Variants in DNAH12 observed in about 807,000 individuals in gnomAD.
DNAH12 encodes the protein dynein axonemal heavy chain 12.
A neutral mutation model predicts 371.5 loss-of-function variants in DNAH12; 285 were observed. That is an observed-to-expected ratio of 0.77 (90% CI 0.70 to 0.85). The LOEUF is 0.85. Ranked by LOEUF, DNAH12 falls within the 40% of genes least tolerant of loss-of-function variation. The probability of loss-of-function intolerance (pLI) is 0.00; values close to 1 mark genes in which losing one functional copy is unlikely to be tolerated. For synonymous variants in DNAH12, 1,200 were observed against 1,213.0 expected (o/e 0.99, Z 0.22); for missense variants, 3,611 against 3,689.4 (o/e 0.98, Z 0.55).
chr3:57,457,908 C>A lies in DNAH12; in HGVS notation c.3149G>T (p.Gly1050Val). 1 of 1,551,532 alleles carries A rather than the reference C, an allele frequency of 6.4e-7. No homozygotes were observed. The highest frequency in any genetic ancestry group is 8.7e-7 in the Non-Finnish European group (1 of 1,146,958). ...GGGAAGGAACTCTAATTTAGCAATG[C>A]CCTCAAAGCATTTTTTTAAATGTGG... ...VQPHLKKCFE[G>V]IAKLEFLPNL... The change falls in exon 22 of 74, where the codon GGC becomes GTC. Residue 1050 changes from glycine to valine, a missense_variant. By Grantham distance (109) the Gly-to-Val change is moderately radical (BLOSUM62 -3). Around this residue, in one of 3 missense-constraint regions of DNAH12, gnomAD observed 1,314 missense variants for 1,398.7 expected, o/e 0.94. Transcript: ENST00000495027.
At chr3:57,453,444 C>A (rs1389956915) in intron 23 of DNAH12, 41 bp from the exon 24 acceptor site, 2 of 1,445,712 alleles carry the variant, frequency 1.4e-6, no homozygotes, top group African/African-American at 1.5e-5. Flanking sequence ...GATGTCACAT[C>A]ATACTTAAAA....
chr3:57,442,863 G>A (rs1282885970), intron 29 of DNAH12, among the ~76,000 whole-genome samples: 3 of 152,146 alleles, frequency 2.0e-5, no homozygotes, highest in African/African-American at 2.4e-5. Flanking sequence ...TAAGTTAAGT[G>A]ATCTCTTAAT....
At chr3:57,509,000 TA>T in intron 6 of DNAH12, 139 bp downstream of exon 6, 1 of 731,738 alleles carries the variant, frequency 1.4e-6, no homozygotes, top group Non-Finnish European at 2.3e-6. Context: ...ACCTCTGAGG[TA>T]AAAACAAGAG....
upstream of DNAH12, among the ~76,000 whole-genome samples, chr3:57,547,306 C>CT (rs541662460): frequency 2.2e-3 from 324 of 144,824 alleles, 1 homozygote; most frequent in South Asian, 5.4e-3. Context: ...AATGTACGTC[C>CT]TTTTTTTTTT....
chr3:57,471,578 T>C lies in DNAH12; in HGVS notation c.1805A>G (p.Glu602Gly). The C allele has an allele frequency of 6.5e-7, 1 of 1,545,822 alleles. No individual in the cohort carries two copies. The highest frequency in any genetic ancestry group is 2.0e-5 in the Admixed American group (1 of 49,208). The change falls in exon 15 of 74, where the codon GAA becomes GGA. Residue 602 changes from glutamate (E) to glycine (G), a missense_variant. By Grantham distance (98) the Glu-to-Gly change is moderately conservative. Around this residue, in one of 3 missense-constraint regions of DNAH12, gnomAD observed 1,314 missense variants for 1,398.7 expected, o/e 0.94. Transcript: ENST00000495027. The part of the protein sequence containing the change: ...ELIENAKHKK[E>G]NELMAKREKL... ...CTCTCTCTTGGCCATTAGTTCATTTTCTTTTTTATGTTTAGCATTCTCAAT... is the reference window on the plus strand; with the variant it reads ...CTCTCTCTTGGCCATTAGTTCATTTCCTTTTTTATGTTTAGCATTCTCAAT...
chr3:57,308,965 C>A (rs771241357), intron 69 of DNAH12, among the ~76,000 whole-genome samples, 186 bp downstream of exon 69: 1 of 152,072 alleles, frequency 6.6e-6, no homozygotes, highest in Non-Finnish European at 1.5e-5. Flanking sequence ...TCAGCTTAAT[C>A]TCTCCCACTC....
intron 10 of DNAH12, among the ~76,000 whole-genome samples, chr3:57,501,869 G>C (rs1256551264): frequency 6.6e-6 from 1 of 151,360 alleles, no homozygotes; most frequent in Non-Finnish European, 1.5e-5. Context: ...CAGTTCATAT[G>C]CACCCTTTGG....
intron 25 of DNAH12, among the ~76,000 whole-genome samples, chr3:57,450,093 C>A (rs896643883): frequency 6.6e-6 from 1 of 152,060 alleles, no homozygotes; most frequent in African/African-American, 2.4e-5. Context: ...ACGAAAAATA[C>A]AAAAATCAGC....
intron 13 of DNAH12, among the ~76,000 whole-genome samples, chr3:57,478,127 A>G (rs1296184688): frequency 6.6e-6 from 1 of 152,232 alleles, no homozygotes; most frequent in African/African-American, 2.4e-5. Flanking sequence ...AACTACTTTG[A>G]GCTAAAGGAG....
At chr3:57,545,651 C>T (rs1232610692), upstream of DNAH12, among the ~76,000 whole-genome samples, 1 of 151,966 alleles carries the variant, frequency 6.6e-6, no homozygotes, top group Non-Finnish European at 1.5e-5. Flanking sequence ...CCCAGAGAAC[C>T]CCCAGCCCAT....
At chr3:57,509,517 T>C (rs983396604) in intron 5 of DNAH12, among the ~76,000 whole-genome samples, 2 of 152,038 alleles carry the variant, frequency 1.3e-5, no homozygotes, top group Admixed American at 1.3e-4. Flanking sequence ...AGGATGTTGG[T>C]CACAGGCTAC....
At chr3:57,434,130 T>C (rs2065045798) in intron 30 of DNAH12, among the ~76,000 whole-genome samples, 1 of 152,202 alleles carries the variant, frequency 6.6e-6, no homozygotes, top group Non-Finnish European at 1.5e-5. Flanking sequence ...AGGAGAGAAC[T>C]GGGAAAGATT....
rs1559631705 is a variant in DNAH12 at position 57,413,925 on chromosome 3, G to A, written c.5854-13C>T. ...CCATGATAATGTTCTAAAATATGAA[G>A]GAAGAATGGTATATTTACCTATAAT... On this transcript the variant is annotated splice_polypyrimidine_tract_variant and intron_variant, in intron 38 of 73. Coordinates refer to ENST00000495027, the MANE Select transcript of DNAH12 (RefSeq NM_001366028.2). 2 of 1,546,464 alleles carry A rather than the reference G, an allele frequency of 1.3e-6. No individual in the cohort carries two copies. The highest frequency in any genetic ancestry group is 1.7e-6 in the Non-Finnish European group (2 of 1,144,944).
At chr3:57,337,198 A>G (rs782016572) in intron 60 of DNAH12, among the ~76,000 whole-genome samples, 1 of 152,216 alleles carries the variant, frequency 6.6e-6, no homozygotes, top group African/African-American at 2.4e-5. Context: ...GCAAGAGAAT[A>G]TAACAATTAT....
At chr3:57,372,876 A>G (rs1393238968) in intron 55 of DNAH12, among the ~76,000 whole-genome samples, 1 of 152,202 alleles carries the variant, frequency 6.6e-6, no homozygotes, top group East Asian at 1.9e-4. Flanking sequence ...CTAAATGTAA[A>G]TGATCTAAAT....
At chr3:57,472,817 C>A in intron 13 of DNAH12, 146 bp from the exon 14 acceptor site, 1 of 808,292 alleles carries the variant, frequency 1.2e-6, no homozygotes, top group Non-Finnish European at 2.0e-6. Flanking sequence ...TCACCCAAAC[C>A]AGATGGGTAT....
At chr3:57,383,206 C>T (rs2063431905) in intron 49 of DNAH12, among the ~76,000 whole-genome samples, 1 of 152,150 alleles carries the variant, frequency 6.6e-6, no homozygotes, top group Non-Finnish European at 1.5e-5. Flanking sequence ...CCTCTTCCAA[C>T]AATTCTGTAA....
At chr3:57,316,636 G>A (rs1034706063) in intron 65 of DNAH12, among the ~76,000 whole-genome samples, 4 of 152,100 alleles carry the variant, frequency 2.6e-5, no homozygotes, top group Non-Finnish European at 5.9e-5. Context: ...CTTTTCAAGG[G>A]AGGGACCTAT....
intron 13 of DNAH12, among the ~76,000 whole-genome samples, chr3:57,480,870 T>C (rs1211509542): frequency 3.3e-5 from 5 of 152,198 alleles, no homozygotes; most frequent in Admixed American, 6.5e-5. Flanking sequence ...AATTCAACAG[T>C]GCTTCATGCT....
Sources: allele counts gnomAD v4.1 joint callset (sites outside exome capture counted in the v4.1 genomes callset), GRCh38; gene constraint gnomAD v4.1.1; regional missense constraint gnomAD v4.1.1; transcripts MANE v1.5; gene names NCBI Gene and HGNC (gene_info 2026-07-23, HGNC 2026-07-21).